The following RHBDF2 variants were observed in gnomAD, a reference collection of about 807,000 sequenced individuals.
RHBDF2 encodes inactive rhomboid protein 2.
RHBDF2 carries 38 observed loss-of-function variants against 95.2 expected under a neutral mutation model. That is an observed-to-expected ratio of 0.40 (90% CI 0.31 to 0.52). RHBDF2 has a LOEUF of 0.52. Among genes scored for constraint, RHBDF2 ranks in the 20% least tolerant of loss-of-function variants. The probability of loss-of-function intolerance (pLI) is 0.56; values close to 1 mark genes in which losing one functional copy is unlikely to be tolerated. For synonymous variants in RHBDF2, 442 were observed against 462.0 expected, an observed-to-expected ratio of 0.96 and a Z score of 0.55; for missense variants, 863 against 1,137.7, an observed-to-expected ratio of 0.76 and a Z score of 3.47.
At chr17:76,495,443 G>C (rs993870404) in intron 1 of RHBDF2, among the ~76,000 whole-genome samples, 3 of 152,228 alleles carry the variant, frequency 2.0e-5, no homozygotes, top group Non-Finnish European at 4.4e-5. Flanking sequence ...ACCACTGTGC[G>C]ATCTTGGGCA....
chr17:76,500,153 G>A lies in RHBDF2; in HGVS notation c.-220+1200C>T, dbSNP rs558235300. On this transcript the variant is annotated intron_variant, in intron 1 of 18. Coordinates refer to ENST00000675367, the MANE Select transcript of RHBDF2 (RefSeq NM_001005498.4). ...AGGAACCTGATGGACCAGCTGCTGCGCAGGGTTTCTCAGCCTCAGCACAGC... is the reference window on the plus strand; with the variant it reads ...AGGAACCTGATGGACCAGCTGCTGCACAGGGTTTCTCAGCCTCAGCACAGC... Among the ~76,000 whole-genome samples the A allele has an allele frequency of 3.3e-5, 5 of 152,238 alleles. No individual in the cohort carries two copies. The East Asian group carries it at 7.7e-4, about 23-fold the overall frequency.
chr17:76,480,051 G>GTATTATATGTATA (rs1555616413), intron 3 of RHBDF2, 197 bp from the exon 4 acceptor site: 1 of 39,858 alleles, frequency 2.5e-5, no homozygotes, highest in East Asian at 1.3e-3. Flanking sequence ...GTTTGTATAT[G>GTATTATATGTATA]TATATATATA....
At chr17:76,480,409 G>C (rs931984745) in intron 3 of RHBDF2, among the ~76,000 whole-genome samples, 1 of 151,552 alleles carries the variant, frequency 6.6e-6, no homozygotes, top group African/African-American at 2.4e-5. Flanking sequence ...TTTTGGGACA[G>C]AGTCTTGCTC....
chr17:76,480,329 T>C (rs1598671418), intron 3 of RHBDF2, among the ~76,000 whole-genome samples: 1 of 151,760 alleles, frequency 6.6e-6, no homozygotes, highest in Non-Finnish European at 1.5e-5. Flanking sequence ...TCAAGTGATC[T>C]GGCCGCCTCG....
chr17:76,477,906 C>G, intron 6 of RHBDF2, 121 bp from the exon 7 acceptor site: 1 of 1,442,156 alleles, frequency 6.9e-7, no homozygotes, highest in African/African-American at 1.4e-5. Context: ...GAGGAGGGAT[C>G]CTGCCCAAAG....
At chr17:76,484,365 G>A (rs2074058676) in intron 2 of RHBDF2, among the ~76,000 whole-genome samples, 1 of 151,980 alleles carries the variant, frequency 6.6e-6, no homozygotes, top group Non-Finnish European at 1.5e-5. Flanking sequence ...CTTGTACGAA[G>A]CCAGGGACTC....
chr17:76,477,839 C>T, intron 6 of RHBDF2, 54 bp from the exon 7 acceptor site: 3 of 1,590,318 alleles, frequency 1.9e-6, no homozygotes, highest in African/African-American at 2.7e-5. Context: ...CACCTAGGCC[C>T]CCAGCCCCAA....
At chr17:76,484,654 C>T (rs1454028944) in intron 2 of RHBDF2, among the ~76,000 whole-genome samples, 2 of 152,106 alleles carry the variant, frequency 1.3e-5, no homozygotes, top group Admixed American at 6.6e-5. Flanking sequence ...TGTTGCTTCC[C>T]TGCTCAACTC....
intron 1 of RHBDF2, among the ~76,000 whole-genome samples, chr17:76,499,167 CA>C (rs965847485): frequency 4.0e-5 from 6 of 151,690 alleles, no homozygotes; most frequent in Non-Finnish European, 7.4e-5. Context: ...CAAAACAAAA[CA>C]AAAAAAACAA....
chr17:76,475,183 C>T, intron 9 of RHBDF2, 42 bp from the exon 10 acceptor site: 2 of 1,451,112 alleles, frequency 1.4e-6, no homozygotes, highest in Non-Finnish European at 1.9e-6. Context: ...GAGCTCCTAT[C>T]CCAACCCCCA....
chr17:76,498,297 C>T lies in RHBDF2; in HGVS notation c.-220+3056G>A, dbSNP rs540163034. ...TGGATAGGAAACTGGGAGCCGCTTC[C>T]GACAGCCAGCGCTTCCACAGCCGGT... On this transcript the variant is annotated intron_variant, in intron 1 of 18. Transcript: ENST00000675367. Among the ~76,000 whole-genome samples the T allele has an allele frequency of 5.9e-5, 9 of 151,766 alleles. No homozygotes were observed. In the East Asian group the frequency reaches 1.5e-3, roughly 26 times the overall value.
intron 2 of RHBDF2, among the ~76,000 whole-genome samples, chr17:76,484,961 G>A (rs879216625): frequency 2.6e-5 from 4 of 152,198 alleles, no homozygotes; most frequent in African/African-American, 4.8e-5. Flanking sequence ...CCAGAGAAGC[G>A]TCTGGAGGAG....
chr17:76,487,110 C>T (rs1046472632), intron 2 of RHBDF2, among the ~76,000 whole-genome samples: 2 of 151,734 alleles, frequency 1.3e-5, no homozygotes, highest in Non-Finnish European at 1.5e-5. Context: ...AGGCATGCAC[C>T]GCCATGCCCA....
chr17:76,471,942 G>C lies in RHBDF2; in HGVS notation c.2175C>G (p.Ala725=). ...CACAGATGAACAGGAAGAGCACGAT[G>C]GCCGAGAGGTTGAGGAAGGCCTTCC... The part of the protein sequence containing the change: ...RPWKAFLNLS[A]IVLFLFICGL... Residue 725 remains alanine (A), a synonymous_variant, in exon 19 of 19, where the codon GCC becomes GCG. Transcript: ENST00000675367. The C allele has an allele frequency of 6.4e-7, 1 of 1,571,418 alleles. No individual in the cohort carries two copies. The highest frequency in any genetic ancestry group is 8.6e-7 in the Non-Finnish European group (1 of 1,158,122).
At chr17:76,493,629 G>A (rs2074362290) in intron 1 of RHBDF2, among the ~76,000 whole-genome samples, 1 of 151,954 alleles carries the variant, frequency 6.6e-6, no homozygotes, top group African/African-American at 2.4e-5. Context: ...TCTGAGGGTG[G>A]GACACCCAGC....
Position 76,494,061 on chromosome 17 carries a change from T to C in RHBDF2, c.-219-6152A>G, listed in dbSNP as rs116024705. On this transcript the variant is annotated intron_variant, in intron 1 of 18. Transcript: ENST00000675367. ...GCCAACCACAGACACGGGAAGCGGG[T>C]GCTGTGCTCCAGGGAGCCGCCAAGA... 3.3e-3 allele frequency among the ~76,000 whole-genome samples: 506 copies of C among 151,882 alleles called. 2 individuals are homozygous for C. Among genetic ancestry groups the C allele is most frequent in the African/African-American group, 0.011 (468 of 41,416 alleles).
rs750615957 is a variant in RHBDF2 at position 76,471,651 on chromosome 17, C to T, written c.2466G>A (p.Leu822=). 1.2e-6 allele frequency: 2 copies of T among 1,604,710 alleles called. No homozygotes were observed. Among genetic ancestry groups the T allele is most frequent in the Non-Finnish European group, 1.7e-6 (2 of 1,175,556 alleles). Residue 822 remains leucine (L), a synonymous_variant, in exon 19 of 19, where the codon CTG becomes CTA. Transcript: ENST00000675367. ...CCAGCGGTCAGTGCAGCACCTGGTC[C>T]AGCTCATACTTCTCGCAGAAGCGGC... ...FTSRFCEKYE[L]DQVLH
intron 17 of RHBDF2, 61 bp from the exon 18 acceptor site, chr17:76,472,900 C>T: frequency 8.2e-6 from 13 of 1,577,252 alleles, no homozygotes; most frequent in Admixed American, 3.7e-5. Context: ...CAGTAGGCTT[C>T]GGCAGGTTGG....
chr17:76,484,361 C>T (rs2082074668), intron 2 of RHBDF2, among the ~76,000 whole-genome samples: 1 of 152,138 alleles, frequency 6.6e-6, no homozygotes, highest in South Asian at 2.1e-4. Context: ...TCTCCTTGTA[C>T]GAAGCCAGGG....
Sources: allele counts gnomAD v4.1 joint callset (sites outside exome capture counted in the v4.1 genomes callset), GRCh38; gene constraint gnomAD v4.1.1; transcripts MANE v1.5; gene names NCBI Gene and HGNC (gene_info 2026-07-23, HGNC 2026-07-21).